The following FBXW11 variants were observed in gnomAD, a reference collection of about 807,000 sequenced individuals.
The protein encoded by FBXW11 is F-box and WD repeat domain containing 11, also known as F-box/WD repeat-containing protein 11.
A neutral mutation model predicts 77.6 loss-of-function variants in FBXW11; 19 were observed. The ratio of observed to expected loss-of-function variants is 0.24; its 90% CI spans 0.17 to 0.36. The LOEUF is 0.36. Among genes scored for constraint, FBXW11 ranks in the 10% least tolerant of loss-of-function variants. The pLI is 1.00. For synonymous variants in FBXW11, 235 were observed against 249.4 expected, an observed-to-expected ratio of 0.94 and a Z score of 0.54; for missense variants, 334 against 704.2, an observed-to-expected ratio of 0.47 and a Z score of 5.95.
intron 2 of FBXW11, among the ~76,000 whole-genome samples, chr5:171,933,269 G>A (rs1416884008): frequency 6.6e-6 from 1 of 151,662 alleles, no homozygotes; most frequent in African/African-American, 2.4e-5. Flanking sequence ...AATATGAAAA[G>A]GCTACACACC....
At chr5:171,950,279 A>G (rs1763236426) in intron 2 of FBXW11, among the ~76,000 whole-genome samples, 1 of 152,122 alleles carries the variant, frequency 6.6e-6, no homozygotes, top group South Asian at 2.1e-4. Flanking sequence ...AAATGGGTCT[A>G]TCTTCCATGA....
chr5:171,867,096 A>G (rs1757448359), intron 13 of FBXW11, among the ~76,000 whole-genome samples: 1 of 152,212 alleles, frequency 6.6e-6, no homozygotes. Flanking sequence ...GACCAAACTG[A>G]GTTGGCATGA....
chr5:171,923,075 C>T (rs553393218), intron 2 of FBXW11, among the ~76,000 whole-genome samples: 8 of 151,936 alleles, frequency 5.3e-5, no homozygotes, highest in African/African-American at 1.9e-4. Context: ...CCACCATGCC[C>T]GGCTAATTTT....
chr5:171,908,715 T>C (rs1760689535), intron 4 of FBXW11: 1 of 152,194 alleles, frequency 6.6e-6, no homozygotes, highest in South Asian at 2.1e-4. Context: ...TTACACGTTT[T>C]GGAAGAGAGA....
At chr5:171,941,311 G>T (rs1897568) in intron 2 of FBXW11, among the ~76,000 whole-genome samples, 134,729 of 152,144 alleles carry the variant, frequency 0.89, 59,769 homozygotes, top group East Asian at 0.98. Flanking sequence ...CAAACCTAAA[G>T]TGACAGACTA....
At chr5:171,874,877 T>G (rs1353568403) in intron 9 of FBXW11, among the ~76,000 whole-genome samples, 1 of 149,478 alleles carries the variant, frequency 6.7e-6, no homozygotes, top group Non-Finnish European at 1.5e-5. Context: ...GCCCAGGAGG[T>G]CAAGGCTGAA....
At chr5:171,990,627 C>G (rs1016524232) in intron 1 of FBXW11, among the ~76,000 whole-genome samples, 1 of 152,108 alleles carries the variant, frequency 6.6e-6, no homozygotes, top group African/African-American at 2.4e-5. Context: ...TACAATAAAT[C>G]AGCATGTATC....
chr5:171,905,592 C>CT (rs1760441255), intron 4 of FBXW11, among the ~76,000 whole-genome samples: 1 of 98,984 alleles, frequency 1.0e-5, no homozygotes, highest in South Asian at 5.7e-4. Context: ...AAAGCTAACC[C>CT]CCCCCCCTTT....
At chr5:171,915,587 T>C (rs1159707073) in intron 2 of FBXW11, among the ~76,000 whole-genome samples, 1 of 140,306 alleles carries the variant, frequency 7.1e-6, no homozygotes, top group Non-Finnish European at 1.6e-5. Flanking sequence ...CAAAGAGAAG[T>C]TGGATTCCTG....
intron 2 of FBXW11, among the ~76,000 whole-genome samples, chr5:171,931,813 TC>T (rs555986726): frequency 2.0e-4 from 28 of 136,660 alleles, no homozygotes; most frequent in African/African-American, 7.4e-4. Flanking sequence ...TCTCTCTCTC[TC>T]CTCTCTCTCT....
chr5:171,873,434 A>G (rs1581126990), intron 9 of FBXW11, among the ~76,000 whole-genome samples: 1 of 152,144 alleles, frequency 6.6e-6, no homozygotes. Context: ...TGCTTGAGCT[A>G]AAGAGTTCGA....
In FBXW11 at chr5:171,986,378, G is replaced by T. The variant is rs555657424; in HGVS notation, c.45+20080C>A. On this transcript the variant is annotated intron_variant, in intron 1 of 13. Coordinates refer to ENST00000517395, the MANE Select transcript of FBXW11 (RefSeq NM_001378974.1). ...AGATCACACCATTGTACTCCAGCCT[G>T]GGTGACAGAGTGAGACTCTGTCTCA... 7.4e-4 allele frequency among the ~76,000 whole-genome samples: 113 copies of T among 152,168 alleles called. 2 individuals carry two copies. Among genetic ancestry groups the T allele is most frequent in the Non-Finnish European group, 1.3e-3 (86 of 68,022 alleles).
intron 1 of FBXW11, among the ~76,000 whole-genome samples, chr5:171,967,871 T>TACAC (rs1764290306): frequency 1.8e-5 from 2 of 110,856 alleles, no homozygotes; most frequent in Non-Finnish European, 1.8e-5. Context: ...TATATATATA[T>TACAC]ATATATATAT....
rs72835283 is a variant in FBXW11 at position 171,980,789 on chromosome 5, A to G, written c.46-23091T>C. 5.9e-3 allele frequency among the ~76,000 whole-genome samples: 906 copies of G among 152,304 alleles called. 6 individuals carry two copies. Among genetic ancestry groups the G allele is most frequent in the Non-Finnish European group, 9.9e-3 (675 of 68,016 alleles). The stretch of plus-strand genomic sequence containing the variant: ...CAGTTTCTTGAAACACAAAATATAC[A>G]TCTTGTGACATAAGAAACATATATT... On this transcript the variant is annotated intron_variant, in intron 1 of 13. Transcript: ENST00000517395.
intron 7 of FBXW11, among the ~76,000 whole-genome samples, chr5:171,880,779 C>T (rs1758445885): frequency 6.6e-6 from 1 of 152,156 alleles, no homozygotes; most frequent in Non-Finnish European, 1.5e-5. Context: ...TCACTGCAAC[C>T]TCCGCCTCCC....
At chr5:171,882,176 T>G (rs1316062458) in intron 7 of FBXW11, among the ~76,000 whole-genome samples, 1 of 152,254 alleles carries the variant, frequency 6.6e-6, no homozygotes, top group African/African-American at 2.4e-5. Context: ...TTTTTAGTCT[T>G]TTTTCTAATA....
chr5:171,864,963 CAAAA>C (rs1281081433), intron 13 of FBXW11, among the ~76,000 whole-genome samples: 2 of 66,282 alleles, frequency 3.0e-5, no homozygotes, highest in Non-Finnish European at 3.3e-5. Context: ...CCTTAGGTGG[CAAAA>C]AAAAAAAAAA....
chr5:171,918,862 C>A (rs1011854195), intron 2 of FBXW11, among the ~76,000 whole-genome samples: 1 of 152,146 alleles, frequency 6.6e-6, no homozygotes, highest in Non-Finnish European at 1.5e-5. Context: ...GTCTCCAGAT[C>A]GCCAAATGTC....
chr5:171,938,763 A>G (rs1029969980), intron 2 of FBXW11, among the ~76,000 whole-genome samples: 1 of 152,228 alleles, frequency 6.6e-6, no homozygotes, highest in African/African-American at 2.4e-5. Context: ...ACATGCTCAT[A>G]CGAAAGACAC....
Sources: allele counts gnomAD v4.1 joint callset (sites outside exome capture counted in the v4.1 genomes callset), GRCh38; gene constraint gnomAD v4.1.1; transcripts MANE v1.5; gene names NCBI Gene and HGNC (gene_info 2026-07-23, HGNC 2026-07-21).